Variants in KCNK9 observed in about 807,000 individuals in gnomAD.
The protein encoded by KCNK9 is potassium two pore domain channel subfamily K member 9.
KCNK9 carries 1 observed loss-of-function variant against 10.8 expected under a neutral mutation model. That is an observed-to-expected ratio of 0.09 (90% confidence interval 0.03 to 0.44). The LOEUF is 0.44. Ranked by LOEUF, KCNK9 falls within the 20% of genes least tolerant of loss-of-function variation. The pLI is 0.97. For synonymous variants in KCNK9, 231 were observed against 222.7 expected, an observed-to-expected ratio of 1.04 and a Z score of -0.33; for missense variants, 303 against 515.0, an observed-to-expected ratio of 0.59 and a Z score of 3.98.
At chr8:139,701,554 G>A (rs1281028390) in intron 1 of KCNK9, among the ~76,000 whole-genome samples, 2 of 152,038 alleles carry the variant, frequency 1.3e-5, no homozygotes, top group Non-Finnish European at 2.9e-5. Flanking sequence ...GGGGGAAGGA[G>A]GAGGTCCCTG....
intron 1 of KCNK9, among the ~76,000 whole-genome samples, chr8:139,620,144 C>T (rs1408104281): frequency 3.3e-5 from 5 of 152,144 alleles, no homozygotes; most frequent in South Asian, 2.1e-4. Context: ...TGGGATCTTC[C>T]CAATATGGCA....
chr8:139,662,649 G>C (rs1030433711), intron 1 of KCNK9, among the ~76,000 whole-genome samples: 1 of 152,016 alleles, frequency 6.6e-6, no homozygotes, highest in Admixed American at 6.6e-5. Context: ...TGCTCTTCCA[G>C]CTGCTCCTGG....
At chr8:139,637,637 T>A (rs527678284) in intron 1 of KCNK9, among the ~76,000 whole-genome samples, 190 of 152,276 alleles carry the variant, frequency 1.2e-3, no homozygotes, top group African/African-American at 4.2e-3. Flanking sequence ...AGTCTAAAGA[T>A]ACAAAGTTTG....
intron 1 of KCNK9, among the ~76,000 whole-genome samples, chr8:139,671,638 C>T (rs907738917): frequency 6.6e-6 from 1 of 152,022 alleles, no homozygotes; most frequent in Non-Finnish European, 1.5e-5. Flanking sequence ...CTGCCTCAGC[C>T]TCCCAAGTAG....
downstream of KCNK9, among the ~76,000 whole-genome samples, chr8:139,609,017 T>C (rs1249632265): frequency 6.6e-6 from 1 of 150,812 alleles, no homozygotes; most frequent in Non-Finnish European, 1.5e-5. Context: ...TGTATTTGAT[T>C]GACCTGGAGA....
At chr8:139,673,229 G>A (rs1332679596) in intron 1 of KCNK9, among the ~76,000 whole-genome samples, 1 of 152,178 alleles carries the variant, frequency 6.6e-6, no homozygotes, top group Non-Finnish European at 1.5e-5. Context: ...GATGGCTACA[G>A]GGCACAGGTT....
intron 1 of KCNK9, among the ~76,000 whole-genome samples, chr8:139,686,536 T>C (rs1286426857): frequency 6.6e-6 from 1 of 152,220 alleles, no homozygotes; most frequent in Non-Finnish European, 1.5e-5. Flanking sequence ...ATTTTAAATG[T>C]GCAAAATGCA....
intron 1 of KCNK9, among the ~76,000 whole-genome samples, chr8:139,696,428 CAGGAAGGA>C (rs1176761933): frequency 6.6e-6 from 1 of 152,164 alleles, no homozygotes; most frequent in Non-Finnish European, 1.5e-5. Flanking sequence ...TCACCATTTG[CAGGAAGGA>C]GATGGGTCTA....
chr8:139,635,297 G>A (rs533126288), intron 1 of KCNK9, among the ~76,000 whole-genome samples: 5 of 152,358 alleles, frequency 3.3e-5, no homozygotes, highest in South Asian at 4.1e-4. Context: ...ACGGAGGCCC[G>A]AGTGTCTGCG....
chr8:139,687,374 AC>A (rs1816816044), intron 1 of KCNK9, among the ~76,000 whole-genome samples: 1 of 137,690 alleles, frequency 7.3e-6, no homozygotes, highest in Non-Finnish European at 1.6e-5. Flanking sequence ...ATATGTGTAT[AC>A]ATATATATGA....
intron 2 of KCNK9, among the ~76,000 whole-genome samples, chr8:139,606,347 C>CA (rs1373897082): frequency 6.6e-6 from 1 of 152,098 alleles, no homozygotes; most frequent in Non-Finnish European, 1.5e-5. Context: ...TGCACAGTCA[C>CA]AAAAATGCCC....
chr8:139,697,005 G>A (rs1817075338), intron 1 of KCNK9, among the ~76,000 whole-genome samples: 1 of 150,536 alleles, frequency 6.6e-6, no homozygotes, highest in African/African-American at 2.4e-5. Context: ...GGGTGGATGG[G>A]TGGACGGATG....
chr8:139,668,902 C>T (rs113249491), intron 1 of KCNK9, among the ~76,000 whole-genome samples: 3 of 152,262 alleles, frequency 2.0e-5, no homozygotes, highest in African/African-American at 7.2e-5. Flanking sequence ...CTTTCTTTTC[C>T]AGCTCACATC....
intron 1 of KCNK9, among the ~76,000 whole-genome samples, chr8:139,637,621 G>A (rs1245510618): frequency 6.6e-6 from 1 of 152,152 alleles, no homozygotes; most frequent in Non-Finnish European, 1.5e-5. Context: ...GAAACAGGGA[G>A]GTCACAGTCT....
intron 2 of KCNK9, among the ~76,000 whole-genome samples, chr8:139,605,507 G>T (rs1451168089): frequency 6.6e-6 from 1 of 152,194 alleles, no homozygotes; most frequent in East Asian, 1.9e-4. Flanking sequence ...AGCAAACAGG[G>T]TATACAGCCA....
intron 1 of KCNK9, among the ~76,000 whole-genome samples, chr8:139,673,735 G>A (rs1438044114): frequency 6.6e-6 from 1 of 152,196 alleles, no homozygotes; most frequent in Non-Finnish European, 1.5e-5. Context: ...AAGAGATGAT[G>A]GGCCCTCTTC....
intron 1 of KCNK9, among the ~76,000 whole-genome samples, chr8:139,692,204 T>C (rs540565760): frequency 6.6e-6 from 1 of 152,340 alleles, no homozygotes; most frequent in East Asian, 1.9e-4. Context: ...TGCCCCACGC[T>C]TCGCAACCAA....
At position 139,618,933 on chromosome 8, in the gene KCNK9, G is replaced by C; in HGVS notation, c.450C>G (p.Arg150=). The change falls in exon 2 of 2, where the codon CGC becomes CGG. Residue 150 remains arginine, a synonymous_variant. Coordinates refer to ENST00000520439, the MANE Select transcript of KCNK9 (RefSeq NM_001282534.2). The surrounding 1 kb of genome is among the most constrained non-coding windows in gnomAD (Gnocchi z 7.9). ...TGTTCTCCATAGACACGTCAGTGTTGCGCATGCCACAGCACTTCTTAATGC... is the reference window on the plus strand; with the variant it reads ...TGTTCTCCATAGACACGTCAGTGTTCCGCATGCCACAGCACTTCTTAATGC... ...LKRIKKCCGM[R]NTDVSMENMV... 6.2e-7 allele frequency: 1 copy of C among 1,614,216 alleles called. No individual in the cohort carries two copies. Among genetic ancestry groups the C allele is most frequent in the Non-Finnish European group, 8.5e-7 (1 of 1,180,040 alleles).
chr8:139,644,526 T>G (rs751110289), intron 1 of KCNK9, among the ~76,000 whole-genome samples: 1 of 152,182 alleles, frequency 6.6e-6, no homozygotes, highest in Non-Finnish European at 1.5e-5. Context: ...CTGGGAACAC[T>G]GAGTGGGTTC....
Sources: allele counts gnomAD v4.1 joint callset (sites outside exome capture counted in the v4.1 genomes callset), GRCh38; gene constraint gnomAD v4.1.1; non-coding constraint Gnocchi (gnomAD v3.1); transcripts MANE v1.5; gene names NCBI Gene and HGNC (gene_info 2026-07-23, HGNC 2026-07-21).